The following HAUS8 variants were observed in gnomAD, a reference collection of about 807,000 sequenced individuals.
HAUS8 encodes the protein HAUS augmin-like complex subunit 8.
Under a neutral mutation model 42.9 loss-of-function variants are expected in HAUS8, and 38 were observed. That is an observed-to-expected ratio of 0.89 (90% CI 0.68 to 1.16). HAUS8 has a LOEUF of 1.16. Ranked by LOEUF, HAUS8 falls within the 50% of genes most tolerant of loss-of-function variation. HAUS8 has a pLI of 0.00. For missense variants in HAUS8, 494 were observed against 511.6 expected (o/e 0.97, Z 0.33); for synonymous variants, 199 against 205.8 (o/e 0.97, Z 0.28).
chr19:17,054,980 A>G (rs562279005), intron 9 of HAUS8: 1 of 149,486 alleles, frequency 6.7e-6, no homozygotes, highest in South Asian at 2.1e-4. Context: ...CCTCCGCAGA[A>G]AAAAAAGAAC....
intron 9 of HAUS8, among the ~76,000 whole-genome samples, chr19:17,054,796 C>T (rs1024288672): frequency 2.4e-4 from 36 of 150,906 alleles, no homozygotes; most frequent in African/African-American, 6.8e-4. Flanking sequence ...AGTGAAACTC[C>T]GTTTCAAAAA....
intron 10 of HAUS8, chr19:17,051,660 ATTTTTTTTTTTT>A (rs35343811): frequency 8.8e-5 from 10 of 113,664 alleles, no homozygotes; most frequent in Admixed American, 8.6e-4. Context: ...ACTTCCATAG[ATTTTTTTTTTTT>A]TTTTTTTTTT....
intron 3 of HAUS8, among the ~76,000 whole-genome samples, chr19:17,068,246 T>C (rs1480373006): frequency 6.6e-6 from 1 of 152,024 alleles, no homozygotes; most frequent in East Asian, 1.9e-4. Flanking sequence ...CCTGAGTAGC[T>C]GGGATTACAG....
intron 10 of HAUS8, among the ~76,000 whole-genome samples, chr19:17,050,766 C>A (rs1027457078): frequency 6.6e-6 from 1 of 151,934 alleles, no homozygotes; most frequent in Non-Finnish European, 1.5e-5. Context: ...CGTGGTGGAA[C>A]GCACCTGTAA....
chr19:17,075,367 T>G lies in HAUS8; in HGVS notation c.29+27A>C, dbSNP rs755019560. On this transcript the variant is annotated intron_variant, in intron 1 of 10. Transcript: ENST00000253669. ...TCTCCAGCCCTATGGCGTCTACAAATCCAGACCTGCGGAAGCCCCAACTCA... is the reference window on the plus strand; with the variant it reads ...TCTCCAGCCCTATGGCGTCTACAAAGCCAGACCTGCGGAAGCCCCAACTCA... 4.3e-6 allele frequency: 7 copies of G among 1,613,246 alleles called. No homozygotes were observed. The African/African-American group carries it at 6.7e-5, about 15-fold the overall frequency.
At chr19:17,051,782 C>T (rs79128763) in intron 10 of HAUS8, 13,061 of 151,506 alleles carry the variant, frequency 0.086, 732 homozygotes, top group Non-Finnish European at 0.13. Flanking sequence ...GATTCTCCCA[C>T]CTCTGCTTCC....
intron 9 of HAUS8, among the ~76,000 whole-genome samples, chr19:17,055,611 G>T (rs987378530): frequency 7.2e-5 from 11 of 152,148 alleles, no homozygotes; most frequent in Middle Eastern, 3.4e-3. Flanking sequence ...GAGACTACAG[G>T]TCGTCCCCGC....
intron 2 of HAUS8, among the ~76,000 whole-genome samples, chr19:17,071,070 T>TAAA (rs66941823): frequency 0.026 from 3,831 of 146,938 alleles, 163 homozygotes; most frequent in African/African-American, 0.083. Context: ...CTTTGTCTCA[T>TAAA]AAAAAAAAAA....
At chr19:17,062,554 C>G in intron 4 of HAUS8, 144 bp downstream of exon 4, 3 of 649,468 alleles carry the variant, frequency 4.6e-6, no homozygotes, top group East Asian at 5.4e-5. Context: ...CACATCCCCC[C>G]AGTCTGTCCT....
Position 17,058,604 on chromosome 19 carries a change from C to A in HAUS8, c.590G>T (p.Arg197Leu), listed in dbSNP as rs368689437. 16 of 1,613,388 alleles carry A rather than the reference C, an allele frequency of 9.9e-6. No individual in the cohort carries two copies. In the South Asian group the frequency reaches 1.2e-4, roughly 12 times the overall value. ...KLQKKAHELK[R>L]RLLLSQRKRE... The stretch of plus-strand genomic sequence containing the variant: ...CTTCCTCTGAGAGAGGAGAAGCCTG[C>A]GCTTCAGCTCGTGGGCCTTTTTCTG... The change falls in exon 8 of 11, where the codon CGC (arginine) becomes CTC (leucine). Residue 197 changes from arginine to leucine, a missense_variant. Transcript: ENST00000253669.
chr19:17,056,095 G>A, intron 8 of HAUS8, 93 bp from the exon 9 acceptor site: 1 of 1,216,692 alleles, frequency 8.2e-7, no homozygotes, highest in Non-Finnish European at 1.2e-6. Flanking sequence ...TTAAGATACA[G>A]CGCTGTTCTT....
intron 7 of HAUS8, 27 bp downstream of exon 7, chr19:17,058,784 C>T (rs1307455304): frequency 1.2e-6 from 2 of 1,610,482 alleles, no homozygotes; most frequent in South Asian, 1.1e-5. Context: ...CCATCCATGG[C>T]ATACGTGAAC....
Position 17,061,133 on chromosome 19 carries a change from CTTTTT to C in HAUS8, c.230-1046_230-1042del, listed in dbSNP as rs5827355. ...CCTGGGGTGAGGAGGTGGAAATTTT[CTTTTT>C]TTTTTTTTTTGAGACAGGGTCTTGC... On this transcript the variant is annotated intron_variant, in intron 4 of 10. Coordinates refer to ENST00000253669, the MANE Select transcript of HAUS8 (RefSeq NM_033417.2). Among the ~76,000 whole-genome samples, 4 of 140,878 alleles carry C rather than the reference CTTTTT, an allele frequency of 2.8e-5. No individual in the cohort carries two copies. The South Asian group carries it at 6.8e-4, about 24-fold the overall frequency. The allele number at this position is 140,878 out of a possible 152,430, so 92.4% of individuals were successfully genotyped here.
intron 2 of HAUS8, among the ~76,000 whole-genome samples, chr19:17,071,303 T>C (rs2057422220): frequency 6.6e-6 from 1 of 152,116 alleles, no homozygotes; most frequent in South Asian, 2.1e-4. Flanking sequence ...TTAACAAGGA[T>C]CCTTCAGTCA....
At chr19:17,055,819 G>T in intron 9 of HAUS8, 42 bp downstream of exon 9, 1 of 1,580,882 alleles carries the variant, frequency 6.3e-7, no homozygotes. Context: ...CACGCTCCTC[G>T]CCCCGCCTGC....
chr19:17,065,741 T>C (rs1259906039), intron 3 of HAUS8, among the ~76,000 whole-genome samples: 2 of 151,838 alleles, frequency 1.3e-5, no homozygotes, highest in Admixed American at 1.3e-4. Flanking sequence ...GCAGAATAGC[T>C]TGAACCCGGG....
chr19:17,073,590 T>G, intron 1 of HAUS8: 1 of 520,902 alleles, frequency 1.9e-6, no homozygotes, highest in Non-Finnish European at 3.5e-6. Context: ...GTGGAAGAGA[T>G]CACAGCAGAT....
rs1355148116 is a variant in HAUS8 at position 17,058,828 on chromosome 19, T to C, written c.469A>G (p.Thr157Ala). Residue 157 changes from threonine to alanine, a missense_variant, in exon 7 of 11, where the codon ACG becomes GCG. By Grantham distance (58) the Thr-to-Ala change is moderately conservative. Coordinates refer to ENST00000253669, the MANE Select transcript of HAUS8 (RefSeq NM_033417.2). ...EMMESQTLLL[T>A]LLSVKMENNL... ...GTTTTCACCTTTACGGATAGTAGCGTCAGCAGTAGTGTCTGAGACTCCATC... is the reference window on the plus strand; with the variant it reads ...GTTTTCACCTTTACGGATAGTAGCGCCAGCAGTAGTGTCTGAGACTCCATC... 1 of 1,613,332 alleles carries C rather than the reference T, an allele frequency of 6.2e-7. No homozygotes were observed. Among genetic ancestry groups the C allele is most frequent in the East Asian group, 2.2e-5 (1 of 44,888 alleles).
At chr19:17,050,293 G>A (rs77771940) in intron 10 of HAUS8, 117 bp from the exon 11 acceptor site, 1 of 610,470 alleles carries the variant, frequency 1.6e-6, no homozygotes, top group Non-Finnish European at 2.5e-6. Flanking sequence ...TACGTGCTCA[G>A]TGGGAAAGGG....
Sources: gnomAD v4.1 joint callset for allele counts (sites outside exome capture counted in the v4.1 genomes callset) on GRCh38, gnomAD v4.1.1 for gene constraint, MANE v1.5 for transcripts, NCBI Gene and HGNC (gene_info 2026-07-23, HGNC 2026-07-21) for gene names.